Variants in ZFAT observed in about 807,000 individuals in gnomAD.
The protein encoded by ZFAT is zinc finger and AT-hook domain containing, also known as zinc finger protein ZFAT.
In ZFAT, 64 loss-of-function variants were observed where a neutral mutation model predicts 117.7. The observed-to-expected ratio is 0.54, with a 90% CI of 0.44 to 0.67. The LOEUF (loss-of-function observed/expected upper bound fraction) is 0.67, where lower values mean the gene tolerates loss of function less well. Among genes scored for constraint, ZFAT ranks in the 30% least tolerant of loss-of-function variants. ZFAT has a pLI of 0.00. For missense variants in ZFAT, 1,433 were observed against 1,584.5 expected, an observed-to-expected ratio of 0.90 and a Z score of 1.62; for synonymous variants, 679 against 615.0, an observed-to-expected ratio of 1.10 and a Z score of -1.54.
At chr8:134,658,938 A>G (rs1831787700) in intron 1 of ZFAT, among the ~76,000 whole-genome samples, 1 of 152,230 alleles carries the variant, frequency 6.6e-6, no homozygotes, top group Non-Finnish European at 1.5e-5. Context: ...CCCAGCAGAC[A>G]CTCAGAAAGC....
At chr8:134,831,844 G>A in the ZFAT span, among the ~76,000 whole-genome samples, 1 of 151,826 alleles carries the variant, frequency 6.6e-6, no homozygotes, top group Non-Finnish European at 1.5e-5. Context: ...AGCACCCCCC[G>A]ACACAAGTGA....
chr8:134,559,606 C>G (rs1194481860), intron 11 of ZFAT, among the ~76,000 whole-genome samples: 2 of 152,356 alleles, frequency 1.3e-5, no homozygotes, highest in East Asian at 3.9e-4. Context: ...TTCTGCCAAA[C>G]TGACCTCCAC....
chr8:134,759,255 C>A, the ZFAT span, among the ~76,000 whole-genome samples: 1 of 152,148 alleles, frequency 6.6e-6, no homozygotes, highest in East Asian at 1.9e-4. Context: ...GTCGAATTTT[C>A]ATTTTGCAGA....
chr8:134,600,417 G>T lies in ZFAT; in HGVS notation c.2475+19C>A. Reference sequence around the variant, plus strand: ...AGCACCCAGGGGAGACGGGGCTGCCGCTTGGGCTTGCTACTTACCAGTGCT... The same window carrying T: ...AGCACCCAGGGGAGACGGGGCTGCCTCTTGGGCTTGCTACTTACCAGTGCT... On this transcript the variant is annotated intron_variant, in intron 7 of 15. Coordinates refer to ENST00000377838, the MANE Select transcript of ZFAT (RefSeq NM_020863.4). The T allele has an allele frequency of 6.2e-7, 1 of 1,607,908 alleles. No individual in the cohort carries two copies. The highest frequency in any genetic ancestry group is 8.5e-7 in the Non-Finnish European group (1 of 1,174,348).
chr8:134,713,185 A>G (rs552938956), upstream of ZFAT: 16 of 244,280 alleles, frequency 6.5e-5, no homozygotes, highest in South Asian at 2.2e-3. Flanking sequence ...CACTTCACGG[A>G]TTCCGCTGCG....
intron 11 of ZFAT, among the ~76,000 whole-genome samples, chr8:134,556,864 G>C (rs941160846): frequency 6.6e-6 from 1 of 152,050 alleles, no homozygotes; most frequent in Non-Finnish European, 1.5e-5. Flanking sequence ...AAGAATACCA[G>C]AAAGGTGAAT....
chr8:134,514,158 T>A (rs17688699), intron 13 of ZFAT, among the ~76,000 whole-genome samples: 17,057 of 152,256 alleles, frequency 0.11, 1,226 homozygotes, highest in Admixed American at 0.22. Flanking sequence ...GACCACTTCA[T>A]GGCAGCTTCC....
At chr8:134,552,223 TG>T (rs1823220039) in intron 11 of ZFAT, among the ~76,000 whole-genome samples, 1 of 152,038 alleles carries the variant, frequency 6.6e-6, no homozygotes, top group Non-Finnish European at 1.5e-5. Flanking sequence ...TCATGGTGCC[TG>T]ACACAGAAGT....
chr8:134,638,731 T>TAAA (rs71913883), intron 2 of ZFAT, among the ~76,000 whole-genome samples: 3 of 130,186 alleles, frequency 2.3e-5, no homozygotes, highest in South Asian at 4.9e-4. Flanking sequence ...CCATCTCAAA[T>TAAA]AAAAAAAAAA....
intron 13 of ZFAT, among the ~76,000 whole-genome samples, chr8:134,517,513 C>A (rs1164858642): frequency 6.6e-6 from 1 of 152,192 alleles, no homozygotes; most frequent in African/African-American, 2.4e-5. Context: ...ACCCTTTACC[C>A]AGCCTCCCCT....
intron 1 of ZFAT, among the ~76,000 whole-genome samples, chr8:134,680,606 G>C (rs967996249): frequency 2.0e-5 from 3 of 152,122 alleles, no homozygotes; most frequent in Middle Eastern, 3.4e-3. Context: ...TGACACAAAC[G>C]TACACCAATA....
chr8:134,751,917 C>A, the ZFAT span, among the ~76,000 whole-genome samples: 3 of 152,216 alleles, frequency 2.0e-5, no homozygotes, highest in Non-Finnish European at 4.4e-5. Flanking sequence ...GAAATGAGAA[C>A]ATGTCCCTTG....
intron 1 of ZFAT, among the ~76,000 whole-genome samples, chr8:134,658,138 C>A (rs996931877): frequency 6.6e-6 from 1 of 152,158 alleles, no homozygotes; most frequent in African/African-American, 2.4e-5. Flanking sequence ...GAGATCGAGA[C>A]CATCCTGGCT....
At chr8:134,722,291 G>A in the ZFAT span, among the ~76,000 whole-genome samples, 2,140 of 152,336 alleles carry the variant, frequency 0.014, 25 homozygotes, top group Non-Finnish European at 0.023. Flanking sequence ...GCGAGAAATA[G>A]CATGCCAGGC....
the ZFAT span, among the ~76,000 whole-genome samples, chr8:134,779,414 C>T: frequency 2.6e-5 from 4 of 151,652 alleles, no homozygotes; most frequent in African/African-American, 9.8e-5. Context: ...GATGCAGAAA[C>T]GTACTTATTT....
At chr8:134,606,356 C>T (rs970172637) in intron 5 of ZFAT, among the ~76,000 whole-genome samples, 23 of 152,180 alleles carry the variant, frequency 1.5e-4, no homozygotes, top group Non-Finnish European at 2.9e-5. Flanking sequence ...TGCCTTGTTG[C>T]TATAAAGCAA....
At chr8:134,702,013 G>A (rs1367216985) in intron 1 of ZFAT, among the ~76,000 whole-genome samples, 5 of 152,162 alleles carry the variant, frequency 3.3e-5, no homozygotes, top group Non-Finnish European at 7.3e-5. Context: ...TAGAACTGGT[G>A]GCTTTATAAG....
Position 134,478,607 on chromosome 8 carries a change from C to A in ZFAT, c.3607G>T (p.Glu1203Ter). The A allele has an allele frequency of 6.3e-7, 1 of 1,589,542 alleles. No individual in the cohort carries two copies. The change falls in exon 16 of 16, where the codon GAG becomes TAG. Residue 1203 changes from glutamate (E) to a stop codon, truncating the protein, a stop_gained. Transcript: ENST00000377838. LOFTEE classifies it high-confidence loss of function. The surrounding 1 kb of genome is among the most constrained non-coding windows in gnomAD (Gnocchi z 5.2). ...HHLVVSSDDV[E>*]GIETVTVYTQ... ...TAGACAGTCACCGTCTCAATGCCCT[C>A]CACGTCGTCGGAGGACACCACCAGG...
chr8:134,646,533 G>C (rs1405798625), intron 2 of ZFAT, among the ~76,000 whole-genome samples: 1 of 151,920 alleles, frequency 6.6e-6, no homozygotes, highest in Non-Finnish European at 1.5e-5. Context: ...AGCCCAAAGT[G>C]AGCAGATGGA....
Sources: gnomAD v4.1 joint callset for allele counts (sites outside exome capture counted in the v4.1 genomes callset) on GRCh38, gnomAD v4.1.1 for gene constraint, Gnocchi (gnomAD v3.1) non-coding constraint, MANE v1.5 for transcripts, NCBI Gene and HGNC (gene_info 2026-07-23, HGNC 2026-07-21) for gene names.